The following FMN2 variants were observed in gnomAD, a reference collection of about 807,000 sequenced individuals.
The protein encoded by FMN2 is formin 2, also known as formin-2.
Under a neutral mutation model 142.3 loss-of-function variants are expected in FMN2, and 51 were observed. That is an observed-to-expected ratio of 0.36 (90% CI 0.29 to 0.45). FMN2 has a LOEUF of 0.45. Ranked by LOEUF, FMN2 falls within the 20% of genes least tolerant of loss-of-function variation. The pLI is 1.00. For missense variants in FMN2, 1,936 were observed against 2,122.8 expected, an observed-to-expected ratio of 0.91 and a Z score of 1.73; for synonymous variants, 882 against 869.8, an observed-to-expected ratio of 1.01 and a Z score of -0.25.
At chr1:240,118,998 CA>C (rs1344777509) in intron 1 of FMN2, among the ~76,000 whole-genome samples, 2 of 152,070 alleles carry the variant, frequency 1.3e-5, no homozygotes, top group South Asian at 2.1e-4. Context: ...GGATGTTACC[CA>C]CGTTTTTTGC....
chr1:240,153,215 G>T lies in FMN2; in HGVS notation c.1783-24706G>T, dbSNP rs1241749647. On this transcript the variant is annotated intron_variant, in intron 2 of 17. Coordinates refer to ENST00000319653, the MANE Select transcript of FMN2 (RefSeq NM_020066.5). ...TATTTACAACGTGGGCTGTAAAGGGGCTATGGCAATGCCCAGCATAGAACG... is the reference window on the plus strand; with the variant it reads ...TATTTACAACGTGGGCTGTAAAGGGTCTATGGCAATGCCCAGCATAGAACG... Among the ~76,000 whole-genome samples the T allele has an allele frequency of 3.3e-5, 5 of 152,052 alleles. No homozygotes were observed. In the South Asian group the frequency reaches 8.3e-4, roughly 25 times the overall value.
At chr1:240,474,064 A>G in intron 17 of FMN2, 64 bp from the exon 18 acceptor site, 1 of 1,433,300 alleles carries the variant, frequency 7.0e-7, no homozygotes, top group Non-Finnish European at 9.5e-7. Flanking sequence ...AGGCTACTCT[A>G]AATTCTTTCC....
intron 2 of FMN2, among the ~76,000 whole-genome samples, chr1:240,168,653 T>C (rs1177457389): frequency 6.6e-6 from 1 of 152,062 alleles, no homozygotes; most frequent in Non-Finnish European, 1.5e-5. Context: ...TGTTTATTGC[T>C]ACCTAGTCCA....
chr1:240,270,267 G>A (rs1214491319), intron 7 of FMN2, among the ~76,000 whole-genome samples: 4 of 152,054 alleles, frequency 2.6e-5, no homozygotes, highest in Non-Finnish European at 5.9e-5. Flanking sequence ...GTGGGGAAAA[G>A]AGAACTCTTC....
intron 2 of FMN2, among the ~76,000 whole-genome samples, chr1:240,152,805 T>C (rs1663843310): frequency 6.6e-6 from 1 of 152,184 alleles, no homozygotes; most frequent in African/African-American, 2.4e-5. Flanking sequence ...CTGTGGAGTG[T>C]CTATTTTGCA....
At chr1:240,299,561 T>C (rs1044958552) in intron 8 of FMN2, among the ~76,000 whole-genome samples, 1 of 152,188 alleles carries the variant, frequency 6.6e-6, no homozygotes, top group Non-Finnish European at 1.5e-5. Context: ...TCCCGTTATG[T>C]GTAATTTTTC....
At chr1:240,191,994 C>T (rs565305724) in intron 4 of FMN2, among the ~76,000 whole-genome samples, 9 of 152,104 alleles carry the variant, frequency 5.9e-5, no homozygotes, top group South Asian at 4.1e-4. Context: ...AGGAATTAGA[C>T]GATATCAGCA....
chr1:240,093,642 C>T lies in FMN2; in HGVS notation c.1533C>T (p.Ser511=). The change falls in exon 1 of 18, where the codon AGC becomes AGT. Residue 511 remains serine (S), a synonymous_variant. Coordinates refer to ENST00000319653, the MANE Select transcript of FMN2 (RefSeq NM_020066.5). Reference sequence around the variant, plus strand: ...TGGAGCGCGGGGTGGCGAGTGACAGCGGCGGTGGGGTGTCCCCAGCACTGG... The same window carrying T: ...TGGAGCGCGGGGTGGCGAGTGACAGTGGCGGTGGGGTGTCCCCAGCACTGG... The part of the protein sequence containing the change: ...HLLERGVASD[S]GGGVSPALAA... The T allele has an allele frequency of 7.0e-7, 1 of 1,420,370 alleles. No homozygotes were observed. Among genetic ancestry groups the T allele is most frequent in the Non-Finnish European group, 9.1e-7 (1 of 1,099,200 alleles). The allele number at this position is 1,420,370 out of a possible 1,614,324, so 88.0% of individuals were successfully genotyped here.
At chr1:240,178,555 A>G (rs764986508) in intron 3 of FMN2, among the ~76,000 whole-genome samples, 4 of 150,978 alleles carry the variant, frequency 2.6e-5, no homozygotes, top group Non-Finnish European at 5.9e-5. Context: ...GATTCTCCCA[A>G]CTGAGCCTAC....
intron 1 of FMN2, among the ~76,000 whole-genome samples, chr1:240,121,735 TAAAAAAAAAAAA>T (rs71168898): frequency 2.7e-4 from 7 of 25,678 alleles, no homozygotes; most frequent in East Asian, 3.7e-3. Context: ...AGGGAAATAG[TAAAAAAAAAAAA>T]AAAAAAAAAA....
At chr1:240,170,350 T>G in intron 2 of FMN2, 1 of 1,149,726 alleles carries the variant, frequency 8.7e-7, no homozygotes, top group Non-Finnish European at 1.3e-6. Flanking sequence ...TGAGGGTTGT[T>G]TTCCAGTGAT....
At chr1:240,163,870 ATTATTT>A (rs1396917229) in intron 2 of FMN2, among the ~76,000 whole-genome samples, 2 of 151,410 alleles carry the variant, frequency 1.3e-5, no homozygotes, top group African/African-American at 2.4e-5. Flanking sequence ...TTTTATTATT[ATTATTT>A]TTATTTTTAT....
intron 15 of FMN2, 67 bp from the exon 16 acceptor site, chr1:240,437,994 A>G (rs1239502443): frequency 1.9e-6 from 3 of 1,543,906 alleles, no homozygotes; most frequent in Non-Finnish European, 2.6e-6. Flanking sequence ...ATTTGGATAG[A>G]GAAAGAATAT....
intron 6 of FMN2, among the ~76,000 whole-genome samples, chr1:240,236,893 C>T (rs947085688): frequency 6.6e-6 from 1 of 152,178 alleles, no homozygotes; most frequent in African/African-American, 2.4e-5. Flanking sequence ...AAATTAAACT[C>T]TTCCAGGGAT....
At chr1:240,329,286 C>G (rs113939072) in intron 9 of FMN2, 53 bp from the exon 10 acceptor site, 31 of 1,601,434 alleles carry the variant, frequency 1.9e-5, no homozygotes, top group Admixed American at 3.4e-5. Flanking sequence ...TGAGGATAAA[C>G]ATCTGTTTAT....
intron 6 of FMN2, among the ~76,000 whole-genome samples, chr1:240,217,987 C>T (rs1021600307): frequency 5.9e-5 from 9 of 151,984 alleles, no homozygotes; most frequent in African/African-American, 1.2e-4. Flanking sequence ...TTATATACCA[C>T]GGTATTAAGA....
intron 14 of FMN2, among the ~76,000 whole-genome samples, chr1:240,360,652 T>TG (rs1314477760): frequency 2.0e-5 from 3 of 152,226 alleles, no homozygotes; most frequent in African/African-American, 7.2e-5. Flanking sequence ...GAGGAATGAT[T>TG]GGGGGGTGAG....
chr1:240,123,505 C>CAAAA (rs71168901), intron 2 of FMN2, among the ~76,000 whole-genome samples, 160 bp downstream of exon 2: 26,272 of 106,916 alleles, frequency 0.25, 2,588 homozygotes, highest in Non-Finnish European at 0.33. Context: ...TGTTTGTACA[C>CAAAA]AAAAAAAAAA....
At chr1:240,290,541 A>G (rs755891818) in intron 7 of FMN2, among the ~76,000 whole-genome samples, 1 of 152,130 alleles carries the variant, frequency 6.6e-6, no homozygotes, top group African/African-American at 2.4e-5. Flanking sequence ...TTTCTGAATT[A>G]TTTTTCTACT....
Sources: allele counts gnomAD v4.1 joint callset (sites outside exome capture counted in the v4.1 genomes callset), GRCh38; gene constraint gnomAD v4.1.1; transcripts MANE v1.5; gene names NCBI Gene and HGNC (gene_info 2026-07-23, HGNC 2026-07-21).